The following ZNF445 variants were observed in gnomAD, a reference collection of about 807,000 sequenced individuals.
The protein encoded by ZNF445 is zinc finger protein 445.
ZNF445 carries 19 observed loss-of-function variants against 93.9 expected under a neutral mutation model. That is an observed-to-expected ratio of 0.20 (90% CI 0.14 to 0.30). The LOEUF is 0.30. Among genes scored for constraint, ZNF445 ranks in the 10% least tolerant of loss-of-function variants. The pLI, the probability that ZNF445 is intolerant of heterozygous loss-of-function variation, is 1.00. For synonymous variants in ZNF445, 449 were observed against 446.3 expected (o/e 1.01, Z -0.08); for missense variants, 1,058 against 1,259.4 (o/e 0.84, Z 2.42).
At chr3:44,457,056 G>A (rs991131286) in intron 2 of ZNF445, among the ~76,000 whole-genome samples, 1 of 152,194 alleles carries the variant, frequency 6.6e-6, no homozygotes, top group Non-Finnish European at 1.5e-5. Context: ...TTGCGCCTGG[G>A]AAGCAGAGGT....
intron 1 of ZNF445, among the ~76,000 whole-genome samples, chr3:44,472,653 G>A (rs181632633): frequency 6.6e-6 from 1 of 152,268 alleles, no homozygotes; most frequent in Non-Finnish European, 1.5e-5. Flanking sequence ...AAGACCTCAC[G>A]GGCCTCTCAA....
At chr3:44,473,393 G>T (rs1258756824) in intron 1 of ZNF445, among the ~76,000 whole-genome samples, 1 of 151,230 alleles carries the variant, frequency 6.6e-6, no homozygotes, top group African/African-American at 2.4e-5. Context: ...GGCGGAGGTT[G>T]CAGTGAGCCG....
rs542459626 is a variant in ZNF445 at position 44,452,357 on chromosome 3, T to TA, written c.430-876dup. 3.0e-3 allele frequency among the ~76,000 whole-genome samples: 419 copies of TA among 138,894 alleles called. 8 individuals carry two copies. The highest frequency in any genetic ancestry group is 0.029 in the East Asian group (144 of 4,914). The allele number at this position is 138,894 out of a possible 152,430, so 91.1% of individuals were successfully genotyped here. ...TTTATTCTTCTAATAAAGGAAGAAT[T>TA]AAAAAAAAAAAAAAGAATATGGAAG... On this transcript the variant is annotated intron_variant, in intron 3 of 7. Coordinates refer to ENST00000396077, the MANE Select transcript of ZNF445 (RefSeq NM_181489.6).
chr3:44,434,930 A>G lies in ZNF445; in HGVS notation c.*11645T>C, dbSNP rs1207751481. The G allele has an allele frequency of 6.6e-6, 1 of 152,194 alleles. No homozygotes were observed. The highest frequency in any genetic ancestry group is 1.5e-5 in the Non-Finnish European group (1 of 68,050). 9.4% of individuals were successfully genotyped at this position (152,194 alleles called of 1,614,324 possible). ...TTTTACGTGCTACCTTATAGATAAC[A>G]TTTATAAGTCACCATAACAACCACT... On this transcript the variant is annotated 3_prime_UTR_variant, in exon 8 of 8. Coordinates refer to ENST00000396077, the MANE Select transcript of ZNF445 (RefSeq NM_181489.6).
chr3:44,463,548 T>C (rs1698150198), intron 1 of ZNF445, among the ~76,000 whole-genome samples: 1 of 152,230 alleles, frequency 6.6e-6, no homozygotes, highest in Non-Finnish European at 1.5e-5. Context: ...CGTTGTGTTA[T>C]CTGATGGTTT....
At position 44,446,401 on chromosome 3, in the gene ZNF445, C is replaced by A; in HGVS notation, c.*174G>T. 1 of 890,484 alleles carries A rather than the reference C, an allele frequency of 1.1e-6. No homozygotes were observed. The highest frequency in any genetic ancestry group is 1.7e-6 in the Non-Finnish European group (1 of 598,836). 55.2% of individuals were successfully genotyped at this position (890,484 alleles called of 1,614,324 possible). A position where few individuals can be genotyped will look rare whatever the true frequency, so the allele number is the denominator to read the frequency against. On this transcript the variant is annotated 3_prime_UTR_variant, in exon 8 of 8. Transcript: ENST00000396077. The surrounding 1 kb of genome is among the most constrained non-coding windows in gnomAD (Gnocchi z 4.2). ...GTGCTGCACTTCCCCAGCGTCACAT[C>A]CTAGCAGGCAGGCTGGGGACTCCCC...
rs1168015472 is a variant in ZNF445, at chr3:44,439,532, A to G, written c.*7043T>C. On this transcript the variant is annotated 3_prime_UTR_variant, in exon 8 of 8. Coordinates refer to ENST00000396077, the MANE Select transcript of ZNF445 (RefSeq NM_181489.6). The stretch of plus-strand genomic sequence containing the variant: ...GACCTCTCCACAGAAGCACAGATCC[A>G]AAGGCCACAGGGCCCCTCCCTGAGC... 6.6e-6 allele frequency: 1 copy of G among 152,276 alleles called. No individual in the cohort carries two copies. The highest frequency in any genetic ancestry group is 2.4e-5 in the African/African-American group (1 of 41,416). The allele number at this position is 152,276 out of a possible 1,614,324, so 9.4% of individuals were successfully genotyped here. A position where few individuals can be genotyped will look rare whatever the true frequency, so the allele number is the denominator to read the frequency against.
rs1697853946 is a variant in ZNF445, at chr3:44,444,454, C to T, written c.*2121G>A. 6.6e-6 allele frequency: 1 copy of T among 152,266 alleles called. No individual in the cohort carries two copies. The highest frequency in any genetic ancestry group is 2.1e-4 in the South Asian group (1 of 4,826). The allele number at this position is 152,266 out of a possible 1,614,324, so 9.4% of individuals were successfully genotyped here. A position where few individuals can be genotyped will look rare whatever the true frequency, so the allele number is the denominator to read the frequency against. Reference sequence around the variant, plus strand: ...AGAGGTTCATTGACTTGCTCAAGATCAATCCTGCCAAGAAAAGGCACACCA... The same window carrying T: ...AGAGGTTCATTGACTTGCTCAAGATTAATCCTGCCAAGAAAAGGCACACCA... On this transcript the variant is annotated 3_prime_UTR_variant, in exon 8 of 8. Coordinates refer to ENST00000396077, the MANE Select transcript of ZNF445 (RefSeq NM_181489.6).
chr3:44,459,296 C>T (rs994407116), intron 1 of ZNF445, among the ~76,000 whole-genome samples: 1 of 152,044 alleles, frequency 6.6e-6, no homozygotes, highest in Non-Finnish European at 1.5e-5. Context: ...TTGAGCAATA[C>T]AATCAGAAAA....
chr3:44,449,715 TG>T, intron 6 of ZNF445, 92 bp from the exon 7 acceptor site: 1 of 1,043,122 alleles, frequency 9.6e-7, no homozygotes, highest in Admixed American at 1.9e-5. Context: ...GGTGGGAAGG[TG>T]GGAAAGACCA....
intron 1 of ZNF445, among the ~76,000 whole-genome samples, chr3:44,466,918 A>G (rs1440932127): frequency 6.6e-6 from 1 of 152,218 alleles, no homozygotes; most frequent in Non-Finnish European, 1.5e-5. Flanking sequence ...TATGCCACAG[A>G]AGTAACCAAA....
chr3:44,466,300 CA>C (rs1233471470), intron 1 of ZNF445, among the ~76,000 whole-genome samples: 1 of 152,148 alleles, frequency 6.6e-6, no homozygotes, highest in Non-Finnish European at 1.5e-5. Context: ...TTTCCAAAAT[CA>C]AATTATAAAT....
chr3:44,463,809 CT>C (rs1270905711), intron 1 of ZNF445, among the ~76,000 whole-genome samples: 3 of 152,144 alleles, frequency 2.0e-5, no homozygotes, highest in Non-Finnish European at 4.4e-5. Flanking sequence ...TTTGGGTTGC[CT>C]TGCAATGAAA....
At chr3:44,450,681 A>G in intron 5 of ZNF445, 108 bp from the exon 6 acceptor site, 1 of 1,456,402 alleles carries the variant, frequency 6.9e-7, no homozygotes, top group South Asian at 1.3e-5. Flanking sequence ...TGGACCTGGC[A>G]AAGGTGAAAG....
chr3:44,464,712 A>G (rs1698166995), intron 1 of ZNF445, among the ~76,000 whole-genome samples: 1 of 152,190 alleles, frequency 6.6e-6, no homozygotes, highest in African/African-American at 2.4e-5. Context: ...CTTGGGACAT[A>G]TGGAGAGCCA....
At chr3:44,465,065 TAAAAAAAAAAAA>T (rs34412481) in intron 1 of ZNF445, among the ~76,000 whole-genome samples, 3 of 113,378 alleles carry the variant, frequency 2.6e-5, no homozygotes, top group Non-Finnish European at 5.4e-5. Flanking sequence ...AGACTCCGCC[TAAAAAAAAAAAA>T]AAAAAAAAAA....
chr3:44,449,071 C>T (rs1697920581), intron 7 of ZNF445, among the ~76,000 whole-genome samples: 1 of 152,132 alleles, frequency 6.6e-6, no homozygotes. Flanking sequence ...GGGTGGGGCT[C>T]CAAGGAGCAC....
intron 7 of ZNF445, 64 bp downstream of exon 7, chr3:44,449,449 G>T: frequency 7.7e-7 from 1 of 1,295,250 alleles, no homozygotes; most frequent in Non-Finnish European, 1.1e-6. Flanking sequence ...TGATGTAACT[G>T]ACCTTAAGAA....
intron 1 of ZNF445, among the ~76,000 whole-genome samples, chr3:44,459,064 AC>A (rs1698071032): frequency 6.6e-6 from 1 of 152,202 alleles, no homozygotes; most frequent in African/African-American, 2.4e-5. Context: ...GGACAACTGC[AC>A]TTGTGGAGGC....
Sources: gnomAD v4.1 joint callset for allele counts (sites outside exome capture counted in the v4.1 genomes callset) on GRCh38, gnomAD v4.1.1 for gene constraint, Gnocchi (gnomAD v3.1) non-coding constraint, MANE v1.5 for transcripts, NCBI Gene and HGNC (gene_info 2026-07-23, HGNC 2026-07-21) for gene names.